RRAGD: variants seen among roughly 807,000 people sequenced by gnomAD.
The protein encoded by RRAGD is Ras related GTP binding D, also known as ras-related GTP-binding protein D.
RRAGD carries 12 observed loss-of-function variants against 35.5 expected under a neutral mutation model. The observed-to-expected ratio is 0.34, with a 90% CI of 0.22 to 0.55. RRAGD has a LOEUF of 0.55. RRAGD is among the 20% of genes least tolerant of loss of function. The pLI is 0.91. For synonymous variants in RRAGD, 155 were observed against 178.9 expected, an observed-to-expected ratio of 0.87 and a Z score of 1.07; for missense variants, 324 against 490.1, an observed-to-expected ratio of 0.66 and a Z score of 3.20.
At chr6:89,398,859 C>G (rs16881832) in intron 1 of RRAGD, among the ~76,000 whole-genome samples, 22,291 of 152,154 alleles carry the variant, frequency 0.15, 2,040 homozygotes, top group East Asian at 0.32. Context: ...AATCAGCTGT[C>G]TGTCACATTA....
chr6:89,405,059 A>G (rs1256754406), intron 1 of RRAGD, among the ~76,000 whole-genome samples: 1 of 152,202 alleles, frequency 6.6e-6, no homozygotes, highest in Non-Finnish European at 1.5e-5. Context: ...AAGAATTAAG[A>G]TAACATAGTG....
chr6:89,411,819 C>G lies in RRAGD; in HGVS notation c.148+27G>C, dbSNP rs754485218. On this transcript the variant is annotated intron_variant, in intron 1 of 6. Coordinates refer to ENST00000369415, the MANE Select transcript of RRAGD (RefSeq NM_021244.5). This position sits in a 1 kb window ranked among gnomAD's most constrained non-coding sequence, Gnocchi z 5.6. Reference sequence around the variant, plus strand: ...GCCAAGGGGAGGAAAGGGGCGCGAGCCGAGGACGCGGGGGCCGGGCGCTCA... The same window carrying G: ...GCCAAGGGGAGGAAAGGGGCGCGAGGCGAGGACGCGGGGGCCGGGCGCTCA... 3.2e-5 allele frequency: 49 copies of G among 1,540,072 alleles called. No homozygotes were observed. The African/African-American group carries it at 6.0e-4, about 19-fold the overall frequency.
chr6:89,398,045 G>C (rs905336815), intron 1 of RRAGD, among the ~76,000 whole-genome samples: 1 of 152,146 alleles, frequency 6.6e-6, no homozygotes, highest in Non-Finnish European at 1.5e-5. Flanking sequence ...TACTTGGGAG[G>C]CTGAGGCAAG....
chr6:89,411,925 A>ATCC lies in RRAGD; in HGVS notation c.66_68dup (p.Glu22dup), dbSNP rs760147769. ...CGTAGTCCGCTAGCCCCACCAGCTCATCCTCCTCCTCCTCCTCCTCCGCGT... is the reference window on the plus strand; with the variant it reads ...CGTAGTCCGCTAGCCCCACCAGCTCATCCTCCTCCTCCTCCTCCTCCTCCGCGT... On this transcript the variant is annotated inframe_insertion, in exon 1 of 7. Coordinates refer to ENST00000369415, the MANE Select transcript of RRAGD (RefSeq NM_021244.5). The surrounding 1 kb of genome is among the most constrained non-coding windows in gnomAD (Gnocchi z 5.6). The ATCC allele has an allele frequency of 2.0e-4, 310 of 1,540,490 alleles. 1 individual carries two copies. Among genetic ancestry groups the ATCC allele is most frequent in the African/African-American group, 1.1e-3 (80 of 72,712 alleles).
At chr6:89,390,437 A>G (rs1769211713) in intron 1 of RRAGD, among the ~76,000 whole-genome samples, 1 of 152,234 alleles carries the variant, frequency 6.6e-6, no homozygotes, top group African/African-American at 2.4e-5. Flanking sequence ...GCCATCAGAG[A>G]AGTACAAGTA....
intron 2 of RRAGD, among the ~76,000 whole-genome samples, chr6:89,381,626 T>G (rs1769045335): frequency 6.6e-6 from 1 of 152,038 alleles, no homozygotes. Context: ...AAAGAAATAT[T>G]AAGTTGTGTG....
At chr6:89,372,121 A>C (rs772354012) in intron 6 of RRAGD, among the ~76,000 whole-genome samples, 2 of 152,214 alleles carry the variant, frequency 1.3e-5, no homozygotes, top group African/African-American at 4.8e-5. Flanking sequence ...GACTTCATTC[A>C]CAGCCTGGCA....
intron 4 of RRAGD, among the ~76,000 whole-genome samples, chr6:89,378,414 T>C (rs965315731): frequency 1.3e-5 from 2 of 152,216 alleles, no homozygotes; most frequent in Non-Finnish European, 1.5e-5. Flanking sequence ...AAAGGCCAAG[T>C]AAAAATACTT....
intron 1 of RRAGD, among the ~76,000 whole-genome samples, chr6:89,408,513 G>C (rs1769629375): frequency 6.6e-6 from 1 of 152,104 alleles, no homozygotes; most frequent in Non-Finnish European, 1.5e-5. Flanking sequence ...TAACATTAAT[G>C]AACTAATGAT....
At chr6:89,403,772 C>CT (rs1347582684) in intron 1 of RRAGD, among the ~76,000 whole-genome samples, 1 of 151,766 alleles carries the variant, frequency 6.6e-6, no homozygotes. Flanking sequence ...GTAGCGAGGA[C>CT]TACAGGCACA....
intron 1 of RRAGD, among the ~76,000 whole-genome samples, chr6:89,405,192 A>T (rs1281198489): frequency 1.3e-5 from 2 of 151,868 alleles, no homozygotes; most frequent in Non-Finnish European, 2.9e-5. Flanking sequence ...CTACTAAAAA[A>T]AATACAAAAA....
At chr6:89,398,809 C>A (rs1439787721) in intron 1 of RRAGD, among the ~76,000 whole-genome samples, 1 of 152,208 alleles carries the variant, frequency 6.6e-6, no homozygotes, top group African/African-American at 2.4e-5. Flanking sequence ...ACAGCCTTCA[C>A]CACCTAGAGC....
chr6:89,376,588 A>G (rs987200200), intron 5 of RRAGD, among the ~76,000 whole-genome samples: 2 of 152,182 alleles, frequency 1.3e-5, no homozygotes, highest in African/African-American at 4.8e-5. Context: ...GTTCACACCT[A>G]GTCAGTCTGT....
intron 1 of RRAGD, among the ~76,000 whole-genome samples, chr6:89,400,729 C>G (rs1769443732): frequency 6.6e-6 from 1 of 152,158 alleles, no homozygotes; most frequent in Non-Finnish European, 1.5e-5. Context: ...CTGCAGAAGG[C>G]TGGGCTTTCT....
chr6:89,371,789 G>A (rs1042730093), intron 6 of RRAGD, among the ~76,000 whole-genome samples: 1 of 152,106 alleles, frequency 6.6e-6, no homozygotes, highest in Non-Finnish European at 1.5e-5. Flanking sequence ...ACTTCTGTTA[G>A]TAACTTTTGT....
At chr6:89,408,640 G>A (rs774773215) in intron 1 of RRAGD, among the ~76,000 whole-genome samples, 2 of 152,166 alleles carry the variant, frequency 1.3e-5, no homozygotes, top group Non-Finnish European at 2.9e-5. Context: ...CTAAGGGTGC[G>A]CACAGGCTGC....
In RRAGD at chr6:89,411,709, C is replaced by T. The variant is rs982720450; in HGVS notation, c.148+137G>A. The T allele has an allele frequency of 5.1e-6, 5 of 980,238 alleles. No individual in the cohort carries two copies. Among genetic ancestry groups the T allele is most frequent in the South Asian group, 1.7e-5 (1 of 58,936 alleles). The allele number at this position is 980,238 out of a possible 1,614,324, so 60.7% of individuals were successfully genotyped here. On this transcript the variant is annotated intron_variant, in intron 1 of 6. Coordinates refer to ENST00000369415, the MANE Select transcript of RRAGD (RefSeq NM_021244.5). This position sits in a 1 kb window ranked among gnomAD's most constrained non-coding sequence, Gnocchi z 5.6. Reference sequence around the variant, plus strand: ...AGGTCGGGCTTTTGGCGTCCCTCCCCACCCCAAACCCTCAACTGGACCCGC... The same window carrying T: ...AGGTCGGGCTTTTGGCGTCCCTCCCTACCCCAAACCCTCAACTGGACCCGC...
chr6:89,402,808 G>A (rs1389869382), intron 1 of RRAGD, among the ~76,000 whole-genome samples: 3 of 152,188 alleles, frequency 2.0e-5, no homozygotes, highest in Non-Finnish European at 4.4e-5. Flanking sequence ...CCCTGACCTC[G>A]TTGGGTGAAA....
At chr6:89,378,624 A>G (rs1052877708) in intron 4 of RRAGD, among the ~76,000 whole-genome samples, 1 of 152,218 alleles carries the variant, frequency 6.6e-6, no homozygotes, top group Non-Finnish European at 1.5e-5. Context: ...GCTATTCAAC[A>G]GTTTGCGTCT....
Sources: allele counts gnomAD v4.1 joint callset (sites outside exome capture counted in the v4.1 genomes callset), GRCh38; gene constraint gnomAD v4.1.1; non-coding constraint Gnocchi (gnomAD v3.1); transcripts MANE v1.5; gene names NCBI Gene and HGNC (gene_info 2026-07-23, HGNC 2026-07-21).